PCDHGA8: variants seen among roughly 807,000 people sequenced by gnomAD.
PCDHGA8 encodes protocadherin gamma-A8.
In PCDHGA8, 45 loss-of-function variants were observed where a neutral mutation model predicts 59.2. The ratio of observed to expected loss-of-function variants is 0.76; its 90% CI spans 0.60 to 0.98. The LOEUF is 0.98. Among genes scored for constraint, PCDHGA8 ranks in the 50% least tolerant of loss-of-function variants. PCDHGA8 has a pLI of 0.00. For synonymous variants in PCDHGA8, 531 were observed against 519.0 expected, an observed-to-expected ratio of 1.02 and a Z score of -0.32; for missense variants, 1,257 against 1,196.2, an observed-to-expected ratio of 1.05 and a Z score of -0.75.
chr5:141,509,572 G>T (rs955898202), intron 3 of PCDHGA8, among the ~76,000 whole-genome samples: 24 of 152,300 alleles, frequency 1.6e-4, no homozygotes, highest in Middle Eastern at 3.4e-3. Context: ...CCTTCACAGT[G>T]CGTACAAATC....
rs1284631853 is a variant in PCDHGA8, at chr5:141,394,913, C to G, written c.2100C>G (p.Ile700Met). ...TLYLVVAVAA[I>M]SCVFLAFVAV... ...ATCTCGTGGTGGCAGTGGCTGCCATCTCCTGTGTCTTCCTCGCCTTTGTCG... is the reference window on the plus strand; with the variant it reads ...ATCTCGTGGTGGCAGTGGCTGCCATGTCCTGTGTCTTCCTCGCCTTTGTCG... Residue 700 changes from isoleucine to methionine, a missense_variant, in exon 1 of 4, where the codon ATC (isoleucine) becomes ATG (methionine). Coordinates refer to ENST00000398604, the MANE Select transcript of PCDHGA8 (RefSeq NM_032088.2). The G allele has an allele frequency of 1.2e-6, 2 of 1,613,780 alleles. No individual in the cohort carries two copies. The highest frequency in any genetic ancestry group is 2.2e-5 in the South Asian group (2 of 91,084).
At chr5:141,459,910 A>G (rs2098977946) in intron 1 of PCDHGA8, among the ~76,000 whole-genome samples, 2 of 152,042 alleles carry the variant, frequency 1.3e-5, no homozygotes, top group Non-Finnish European at 1.5e-5. Context: ...GAGCTATGGG[A>G]GTTTTAAAAT....
In PCDHGA8 at chr5:141,477,031, A is replaced by C; in HGVS notation, c.2425-17776A>C. Reference sequence around the variant, plus strand: ...TAGACCTTGTAACCGGGATGCTGACAATCAAGGGTCGGCTGGACTTCGAGG... The same window carrying C: ...TAGACCTTGTAACCGGGATGCTGACCATCAAGGGTCGGCTGGACTTCGAGG... On this transcript the variant is annotated intron_variant, in intron 1 of 3. Coordinates refer to ENST00000398604, the MANE Select transcript of PCDHGA8 (RefSeq NM_032088.2). This position sits in a 1 kb window ranked among gnomAD's most constrained non-coding sequence, Gnocchi z 4.9. The C allele has an allele frequency of 6.2e-7, 1 of 1,614,248 alleles. No individual in the cohort carries two copies. Among genetic ancestry groups the C allele is most frequent in the Non-Finnish European group, 8.5e-7 (1 of 1,180,040 alleles).
Position 141,394,111 on chromosome 5 carries a change from C to T in PCDHGA8, c.1298C>T (p.Ser433Phe). Residue 433 changes from serine (S) to phenylalanine (F), a missense_variant, in exon 1 of 4, where the codon TCC (serine) becomes TTC (phenylalanine). Ser to Phe is a radical substitution (Grantham distance 155). Transcript: ENST00000398604. Reference sequence around the variant, plus strand: ...TCAGATCTAGGAACACCACCTCTGTCCACTGAAACTCAAATCGCTCTGCAC... The same window carrying T: ...TCAGATCTAGGAACACCACCTCTGTTCACTGAAACTCAAATCGCTCTGCAC... ...MASDLGTPPL[S>F]TETQIALHVA... 1.9e-6 allele frequency: 3 copies of T among 1,613,936 alleles called. No individual in the cohort carries two copies. The highest frequency in any genetic ancestry group is 2.7e-5 in the African/African-American group (2 of 75,042).
At chr5:141,423,140 C>T (rs760216287) in intron 1 of PCDHGA8, 7 of 1,613,498 alleles carry the variant, frequency 4.3e-6, no homozygotes, top group Non-Finnish European at 2.5e-6. Flanking sequence ...GACAGAGACG[C>T]GCTCAAGCAG....
In PCDHGA8 at chr5:141,431,771, C is replaced by G. The variant is rs1175712662; in HGVS notation, c.2424+36534C>G. 1.2e-6 allele frequency: 2 copies of G among 1,614,214 alleles called. No homozygotes were observed. Among genetic ancestry groups the G allele is most frequent in the Non-Finnish European group, 8.5e-7 (1 of 1,180,034 alleles). The stretch of plus-strand genomic sequence containing the variant: ...GCGAGCCAAAGTCCTGATCACTGTT[C>G]TGGACGTGAACGACAATGCCCCAGA... On this transcript the variant is annotated intron_variant, in intron 1 of 3. Coordinates refer to ENST00000398604, the MANE Select transcript of PCDHGA8 (RefSeq NM_032088.2). The surrounding 1 kb of genome is among the most constrained non-coding windows in gnomAD (Gnocchi z 4.8).
intron 1 of PCDHGA8, among the ~76,000 whole-genome samples, chr5:141,482,804 G>T (rs1431490730): frequency 6.6e-6 from 1 of 152,194 alleles, no homozygotes; most frequent in East Asian, 1.9e-4. Flanking sequence ...GGGTACGGTG[G>T]CTCATGCCTG....
chr5:141,400,863 T>G (rs370697957), intron 1 of PCDHGA8, among the ~76,000 whole-genome samples: 1 of 152,250 alleles, frequency 6.6e-6, no homozygotes. Context: ...TGTATGTAGA[T>G]AAACCATTAA....
chr5:141,494,705 G>C, intron 1 of PCDHGA8, 102 bp from the exon 2 acceptor site: 1 of 1,597,990 alleles, frequency 6.3e-7, no homozygotes, highest in Non-Finnish European at 8.6e-7. Flanking sequence ...TTTCTTCTCT[G>C]TGCCCACTCC....
Position 141,486,515 on chromosome 5 carries a change from G to A in PCDHGA8, c.2425-8292G>A. ...AACTATTTTCCTCAATATTTCAGAT[G>A]TGAATGATAATCCACCCTCTTTCTT... On this transcript the variant is annotated intron_variant, in intron 1 of 3. Transcript: ENST00000398604. This position sits in a 1 kb window ranked among gnomAD's most constrained non-coding sequence, Gnocchi z 5.0. 1 of 1,614,172 alleles carries A rather than the reference G, an allele frequency of 6.2e-7. No individual in the cohort carries two copies. The highest frequency in any genetic ancestry group is 8.5e-7 in the Non-Finnish European group (1 of 1,180,026).
intron 1 of PCDHGA8, among the ~76,000 whole-genome samples, chr5:141,453,293 T>TTATG: frequency 6.6e-6 from 1 of 151,872 alleles, no homozygotes; most frequent in Non-Finnish European, 1.5e-5. Flanking sequence ...TTTTAATTAT[T>TTATG]TATTTATTTA....
chr5:141,423,067 G>A (rs757110751), intron 1 of PCDHGA8: 10 of 1,614,024 alleles, frequency 6.2e-6, no homozygotes, highest in South Asian at 5.5e-5. Context: ...TAAGGCCAGC[G>A]AGCCGGGACT....
intron 1 of PCDHGA8, among the ~76,000 whole-genome samples, chr5:141,454,932 C>T (rs945154196): frequency 1.3e-5 from 2 of 150,768 alleles, no homozygotes; most frequent in African/African-American, 2.4e-5. Context: ...CTCAGCCTCC[C>T]GAGTAGCTGG....
At chr5:141,448,359 CTTTA>C in intron 1 of PCDHGA8, among the ~76,000 whole-genome samples, 1 of 152,074 alleles carries the variant, frequency 6.6e-6, no homozygotes, top group East Asian at 1.9e-4. Context: ...TAGTAGTTTT[CTTTA>C]TTTTATTTTT....
chr5:141,437,820 C>T (rs973577605), intron 1 of PCDHGA8, among the ~76,000 whole-genome samples: 4 of 151,904 alleles, frequency 2.6e-5, no homozygotes, highest in Non-Finnish European at 5.9e-5. Flanking sequence ...TCACTGCAAC[C>T]TCTGCCTCCT....
chr5:141,435,194 C>G (rs538114313), intron 1 of PCDHGA8, among the ~76,000 whole-genome samples: 85 of 152,214 alleles, frequency 5.6e-4, no homozygotes, highest in Middle Eastern at 6.8e-3. Flanking sequence ...AGATGGCTAG[C>G]AAATTCATAA....
chr5:141,489,363 G>T lies in PCDHGA8; in HGVS notation c.2425-5444G>T, dbSNP rs767837736. 20 of 1,613,114 alleles carry T rather than the reference G, an allele frequency of 1.2e-5. No homozygotes were observed. Among genetic ancestry groups the T allele is most frequent in the Non-Finnish European group, 1.7e-5 (20 of 1,179,354 alleles). ...ACTCAGTGGTGGAGGAGTCTGAGCCGGGGACGCTGGTGGGGAATGTTGCTC... is the reference window on the plus strand; with the variant it reads ...ACTCAGTGGTGGAGGAGTCTGAGCCTGGGACGCTGGTGGGGAATGTTGCTC... On this transcript the variant is annotated intron_variant, in intron 1 of 3. Transcript: ENST00000398604. The surrounding 1 kb of genome is among the most constrained non-coding windows in gnomAD (Gnocchi z 4.5).
intron 1 of PCDHGA8, chr5:141,478,141 C>T (rs770862398): frequency 6.2e-7 from 1 of 1,614,044 alleles, no homozygotes; most frequent in Non-Finnish European, 8.5e-7. Context: ...AAGCCCGAGC[C>T]GAGTTCCCCT....
intron 1 of PCDHGA8, among the ~76,000 whole-genome samples, chr5:141,482,127 T>C (rs2099553382): frequency 6.6e-6 from 1 of 151,774 alleles, no homozygotes; most frequent in African/African-American, 2.4e-5. Flanking sequence ...GGGAGAATCA[T>C]ATGGCTGGCA....
Sources: gnomAD v4.1 joint callset for allele counts (sites outside exome capture counted in the v4.1 genomes callset) on GRCh38, gnomAD v4.1.1 for gene constraint, Gnocchi (gnomAD v3.1) non-coding constraint, MANE v1.5 for transcripts, NCBI Gene and HGNC (gene_info 2026-07-23, HGNC 2026-07-21) for gene names.